ARL10: variants seen among roughly 807,000 people sequenced by gnomAD.
The protein encoded by ARL10 is ADP-ribosylation factor-like protein 10.
In ARL10, 23 loss-of-function variants were observed where a neutral mutation model predicts 26.1. The ratio of observed to expected loss-of-function variants is 0.88; its 90% CI spans 0.63 to 1.25. The LOEUF (loss-of-function observed/expected upper bound fraction) is 1.25, where lower values mean the gene tolerates loss of function less well. Among genes scored for constraint, ARL10 ranks in the 50% most tolerant of loss-of-function variants. ARL10 has a pLI of 0.00. For missense variants in ARL10, 300 were observed against 323.6 expected, an observed-to-expected ratio of 0.93 and a Z score of 0.56; for synonymous variants, 138 against 149.1, an observed-to-expected ratio of 0.93 and a Z score of 0.54.
intron 1 of ARL10, among the ~76,000 whole-genome samples, chr5:176,398,310 A>G (rs11956701): frequency 0.52 from 79,127 of 152,000 alleles, 21,596 homozygotes; most frequent in African/African-American, 0.68. Context: ...TGATACCCCC[A>G]AAGCAGAAGA....
chr5:176,367,000 GTC>G (rs1768333370), intron 2 of ARL10, among the ~76,000 whole-genome samples: 1 of 139,822 alleles, frequency 7.2e-6, no homozygotes, highest in Non-Finnish European at 1.5e-5. Flanking sequence ...CACCTTTCTA[GTC>G]TTTTTTTTTT....
chr5:176,368,812 G>C lies in ARL10; in HGVS notation c.391G>C (p.Gly131Arg). The C allele has an allele frequency of 6.2e-7, 1 of 1,610,098 alleles. No homozygotes were observed. The highest frequency in any genetic ancestry group is 8.5e-7 in the Non-Finnish European group (1 of 1,177,468). The change falls in exon 3 of 4, where the codon GGC (glycine) becomes CGC (arginine). Residue 131 changes from glycine to arginine, a missense_variant. Gly to Arg is a moderately radical substitution (Grantham distance 125, BLOSUM62 -2). Transcript: ENST00000310389. This position sits in a 1 kb window ranked among gnomAD's most constrained non-coding sequence, Gnocchi z 4.1. ...DFEVDLLEIG[G>R]SQNLRFYWKE... ...GGCCCCTGGCCTCTCCTCAGTTGGGGGCAGCCAGAACCTGCGCTTCTACTG... is the reference window on the plus strand; with the variant it reads ...GGCCCCTGGCCTCTCCTCAGTTGGGCGCAGCCAGAACCTGCGCTTCTACTG...
At chr5:176,412,663 G>A in the ARL10 span, among the ~76,000 whole-genome samples, 4 of 152,158 alleles carry the variant, frequency 2.6e-5, no homozygotes, top group Non-Finnish European at 5.9e-5. Flanking sequence ...TAATCCCATG[G>A]AAATAATCCC....
chr5:176,399,152 CCTTA>C (rs1370575743), intron 1 of ARL10, among the ~76,000 whole-genome samples: 2 of 152,012 alleles, frequency 1.3e-5, no homozygotes, highest in East Asian at 3.9e-4. Context: ...CCCAAAAGGA[CCTTA>C]CTTTATAATG....
At chr5:176,396,492 T>G (rs1266609839) in intron 1 of ARL10, 2 of 1,613,894 alleles carry the variant, frequency 1.2e-6, no homozygotes, top group African/African-American at 1.3e-5. Context: ...TAGCCGATGA[T>G]ATCAGCATCT....
chr5:176,408,227 CTT>C, the ARL10 span, among the ~76,000 whole-genome samples: 30 of 144,162 alleles, frequency 2.1e-4, no homozygotes, highest in African/African-American at 6.1e-4. Flanking sequence ...GGGTTTTCCT[CTT>C]TTTTTTTTTT....
chr5:176,393,217 G>C (rs568019605), downstream of ARL10, among the ~76,000 whole-genome samples: 2 of 152,092 alleles, frequency 1.3e-5, no homozygotes, highest in African/African-American at 2.4e-5. This position sits in a 1 kb window ranked among gnomAD's most constrained non-coding sequence, Gnocchi z 4.4. Context: ...GTCTCAGTGC[G>C]GGCCTCACCT....
chr5:176,389,214 G>C, downstream of ARL10: 1 of 1,301,466 alleles, frequency 7.7e-7, no homozygotes, highest in Non-Finnish European at 1.1e-6. Context: ...ACCTACCCTC[G>C]CCGCCCTCCC....
intron 1 of ARL10, among the ~76,000 whole-genome samples, chr5:176,387,614 G>A (rs1755981962): frequency 6.6e-6 from 1 of 152,228 alleles, no homozygotes; most frequent in Non-Finnish European, 1.5e-5. Flanking sequence ...GGCAGGCAGA[G>A]AAAGATGAAT....
chr5:176,373,205 T>C lies in ARL10; in HGVS notation c.*1310T>C, dbSNP rs1768601028. The stretch of plus-strand genomic sequence containing the variant: ...AGCAGACCAGCCAACGGGATGGCCT[T>C]GGGTACATCACTCAGCCTTTCTGGA... On this transcript the variant is annotated 3_prime_UTR_variant, in exon 4 of 4. Coordinates refer to ENST00000310389, the MANE Select transcript of ARL10 (RefSeq NM_173664.6). 2 of 396,108 alleles carry C rather than the reference T, an allele frequency of 5.0e-6. No homozygotes were observed. Among genetic ancestry groups the C allele is most frequent in the Admixed American group, 8.8e-5 (2 of 22,646 alleles). The allele number at this position is 396,108 out of a possible 1,614,324, so 24.5% of individuals were successfully genotyped here.
chr5:176,370,706 T>C (rs1561773622), intron 3 of ARL10, among the ~76,000 whole-genome samples: 3 of 152,174 alleles, frequency 2.0e-5, no homozygotes. Context: ...TTTGAACCTG[T>C]AGGAGACAAC....
downstream of ARL10, among the ~76,000 whole-genome samples, chr5:176,404,173 A>G (rs1423331336): frequency 6.6e-6 from 1 of 152,226 alleles, no homozygotes; most frequent in African/African-American, 2.4e-5. Context: ...GACTCGCCAC[A>G]TAGTAGCTAA....
chr5:176,405,805 G>C (rs1757087151), downstream of ARL10: 1 of 151,938 alleles, frequency 6.6e-6, no homozygotes, highest in Non-Finnish European at 1.5e-5. Flanking sequence ...CCTTCCCTGG[G>C]CAGCTTGGCT....
intron 1 of ARL10, among the ~76,000 whole-genome samples, chr5:176,394,307 T>C (rs1039896937): frequency 1.3e-5 from 2 of 152,190 alleles, no homozygotes; most frequent in Non-Finnish European, 2.9e-5. Flanking sequence ...ATGCAGACCC[T>C]TGGGCCTCCC....
At chr5:176,403,038 A>T (rs1756902517), downstream of ARL10, among the ~76,000 whole-genome samples, 1 of 148,984 alleles carries the variant, frequency 6.7e-6, no homozygotes, top group Non-Finnish European at 1.5e-5. Context: ...ATCTCCATAA[A>T]GCCTGCCCTA....
chr5:176,390,587 G>A (rs995063503), downstream of ARL10, among the ~76,000 whole-genome samples: 9 of 152,112 alleles, frequency 5.9e-5, no homozygotes, highest in East Asian at 5.8e-4. Flanking sequence ...GTGCCACCAC[G>A]CCCGGCTAAT....
At chr5:176,385,089 C>G, downstream of ARL10, 2 of 701,508 alleles carry the variant, frequency 2.9e-6, no homozygotes, top group Non-Finnish European at 5.2e-6. Flanking sequence ...TCAATGGGAT[C>G]CATTTCCTAG....
chr5:176,396,335 C>T (rs1756519221), intron 1 of ARL10: 1 of 756,506 alleles, frequency 1.3e-6, no homozygotes, highest in Non-Finnish European at 2.4e-6. Flanking sequence ...GCTGCCTGCA[C>T]CCACCAGGGC....
At chr5:176,394,983 T>C (rs542992725) in intron 1 of ARL10, among the ~76,000 whole-genome samples, 2 of 152,210 alleles carry the variant, frequency 1.3e-5, no homozygotes, top group Admixed American at 1.3e-4. Context: ...AAGCCTCCTG[T>C]GGCTCCCCAC....
Sources: allele counts gnomAD v4.1 joint callset (sites outside exome capture counted in the v4.1 genomes callset), GRCh38; gene constraint gnomAD v4.1.1; non-coding constraint Gnocchi (gnomAD v3.1); transcripts MANE v1.5; gene names NCBI Gene and HGNC (gene_info 2026-07-23, HGNC 2026-07-21).